The following CNTN5 variants were observed in gnomAD, a reference collection of about 807,000 sequenced individuals.
CNTN5 encodes contactin 5.
Under a neutral mutation model 129.1 loss-of-function variants are expected in CNTN5, and 77 were observed. The observed-to-expected ratio is 0.60, with a 90% CI of 0.50 to 0.72. CNTN5 has a LOEUF of 0.72. Among genes scored for constraint, CNTN5 ranks in the 30% least tolerant of loss-of-function variants. CNTN5 has a pLI of 0.00. For synonymous variants in CNTN5, 509 were observed against 465.6 expected (o/e 1.09, Z -1.20); for missense variants, 1,478 against 1,328.8 (o/e 1.11, Z -1.75).
At chr11:99,482,246 C>A (rs1945630227) in intron 2 of CNTN5, among the ~76,000 whole-genome samples, 1 of 152,108 alleles carries the variant, frequency 6.6e-6, no homozygotes, top group Non-Finnish European at 1.5e-5. Context: ...ACAAGTTAGG[C>A]AAAATGCTAC....
intron 16 of CNTN5, 35 bp from the exon 17 acceptor site, chr11:100,255,725 T>C (rs1019194227): frequency 3.2e-6 from 5 of 1,579,730 alleles, no homozygotes; most frequent in Non-Finnish European, 4.3e-6. Flanking sequence ...GATAATAATT[T>C]GTGCTTAACT....
chr11:99,173,447 T>C (rs950009288), intron 1 of CNTN5, among the ~76,000 whole-genome samples: 4 of 152,176 alleles, frequency 2.6e-5, no homozygotes, highest in Non-Finnish European at 4.4e-5. Context: ...CTCTATATGT[T>C]CCACAATATT....
At chr11:99,818,861 G>T (rs146288666) in intron 3 of CNTN5, among the ~76,000 whole-genome samples, 3 of 152,062 alleles carry the variant, frequency 2.0e-5, no homozygotes, top group Admixed American at 2.0e-4. Context: ...CCACTTAATA[G>T]TATTAATCTG....
intron 2 of CNTN5, among the ~76,000 whole-genome samples, chr11:99,487,237 C>T (rs1945854351): frequency 6.6e-6 from 1 of 152,176 alleles, no homozygotes; most frequent in South Asian, 2.1e-4. Flanking sequence ...AAGGCTGACA[C>T]ATTAATTAAA....
chr11:99,694,768 G>T (rs1332886849), intron 3 of CNTN5, among the ~76,000 whole-genome samples: 5 of 151,872 alleles, frequency 3.3e-5, no homozygotes, highest in Non-Finnish European at 7.4e-5. Flanking sequence ...GTGAGAACAT[G>T]CGGTGTTTGG....
chr11:100,008,040 T>G (rs750022376), intron 9 of CNTN5, among the ~76,000 whole-genome samples: 2 of 152,070 alleles, frequency 1.3e-5, no homozygotes, highest in Non-Finnish European at 2.9e-5. Flanking sequence ...AGTGGCCAGT[T>G]GATGGAACAG....
At chr11:100,109,514 G>C (rs540039634) in intron 13 of CNTN5, among the ~76,000 whole-genome samples, 6 of 152,078 alleles carry the variant, frequency 3.9e-5, no homozygotes, top group Non-Finnish European at 7.4e-5. Context: ...ACACACTCCT[G>C]GCAACTATCT....
intron 7 of CNTN5, among the ~76,000 whole-genome samples, chr11:99,921,186 T>C (rs1949930091): frequency 6.6e-6 from 1 of 152,220 alleles, no homozygotes; most frequent in African/African-American, 2.4e-5. Flanking sequence ...AGCACACTCA[T>C]GCACCATCTC....
chr11:99,170,656 CA>C (rs1322205652), intron 1 of CNTN5, among the ~76,000 whole-genome samples: 1 of 152,090 alleles, frequency 6.6e-6, no homozygotes, highest in Non-Finnish European at 1.5e-5. Flanking sequence ...CAAAGTAGAA[CA>C]GAAGCATTTT....
At chr11:99,037,447 C>T (rs1179118629) in intron 1 of CNTN5, among the ~76,000 whole-genome samples, 2 of 152,030 alleles carry the variant, frequency 1.3e-5, no homozygotes, top group Non-Finnish European at 2.9e-5. Context: ...TACAACAATG[C>T]ATATATTTTA....
chr11:100,279,952 A>C (rs1245295930), intron 18 of CNTN5, among the ~76,000 whole-genome samples: 1 of 146,222 alleles, frequency 6.8e-6, no homozygotes, highest in Non-Finnish European at 1.5e-5. Context: ...TATAGCTATG[A>C]AGTTTCCTCT....
chr11:99,462,905 T>C (rs996784545), intron 2 of CNTN5, among the ~76,000 whole-genome samples: 6 of 151,738 alleles, frequency 4.0e-5, no homozygotes, highest in Non-Finnish European at 8.8e-5. Context: ...ATAAACACGG[T>C]GAAACCCCGT....
At chr11:99,032,254 T>G (rs1041912138) in intron 1 of CNTN5, among the ~76,000 whole-genome samples, 1 of 151,968 alleles carries the variant, frequency 6.6e-6, no homozygotes, top group Admixed American at 6.6e-5. Flanking sequence ...TATAGCAGCA[T>G]GATTTATAGT....
intron 1 of CNTN5, among the ~76,000 whole-genome samples, chr11:99,103,683 T>C (rs1387167243): frequency 1.3e-5 from 2 of 151,982 alleles, no homozygotes; most frequent in African/African-American, 2.4e-5. Flanking sequence ...GGTCTTTGCA[T>C]GTTTAAGTAA....
At chr11:99,716,688 CT>C (rs1955250488) in intron 3 of CNTN5, among the ~76,000 whole-genome samples, 1 of 152,002 alleles carries the variant, frequency 6.6e-6, no homozygotes, top group African/African-American at 2.4e-5. Context: ...TTGCAACCAG[CT>C]TTTGTATGGG....
chr11:99,703,694 C>T (rs1954628091), intron 3 of CNTN5, among the ~76,000 whole-genome samples: 1 of 150,832 alleles, frequency 6.6e-6, no homozygotes. Flanking sequence ...TATCTAATGA[C>T]ATGTTCTATT....
intron 2 of CNTN5, among the ~76,000 whole-genome samples, chr11:99,328,560 G>A (rs528446544): frequency 1.1e-3 from 168 of 152,130 alleles, no homozygotes; most frequent in Non-Finnish European, 1.8e-3. Flanking sequence ...AGGAAAATTT[G>A]TTATATGAAG....
chr11:99,823,175 C>T (rs1171982127), intron 4 of CNTN5, among the ~76,000 whole-genome samples: 1 of 152,198 alleles, frequency 6.6e-6, no homozygotes, highest in African/African-American at 2.4e-5. Flanking sequence ...CCCTGACCCA[C>T]GAAGGCTGTG....
chr11:99,526,216 G>T (rs941134346), intron 2 of CNTN5, among the ~76,000 whole-genome samples: 3 of 152,112 alleles, frequency 2.0e-5, no homozygotes, highest in Non-Finnish European at 2.9e-5. Context: ...GAAATGACGT[G>T]GTAGAAGAAG....
Sources: allele counts gnomAD v4.1 joint callset (sites outside exome capture counted in the v4.1 genomes callset), GRCh38; gene constraint gnomAD v4.1.1; transcripts MANE v1.5; gene names NCBI Gene and HGNC (gene_info 2026-07-23, HGNC 2026-07-21).